POU6F2: variants seen among roughly 807,000 people sequenced by gnomAD.
POU6F2 encodes the protein POU domain, class 6, transcription factor 2.
In POU6F2, 31 loss-of-function variants were observed where a neutral mutation model predicts 71.3. That is an observed-to-expected ratio of 0.43 (90% CI 0.33 to 0.59). The LOEUF is 0.59. Ranked by LOEUF, POU6F2 falls within the 20% of genes least tolerant of loss-of-function variation. The pLI, the probability that POU6F2 is intolerant of heterozygous loss-of-function variation, is 0.04. For synonymous variants in POU6F2, 347 were observed against 355.7 expected (o/e 0.98, Z 0.27); for missense variants, 783 against 856.8 (o/e 0.91, Z 1.07).
intron 4 of POU6F2, among the ~76,000 whole-genome samples, chr7:39,322,932 A>C (rs937375967): frequency 2.0e-5 from 3 of 152,184 alleles, no homozygotes; most frequent in African/African-American, 7.2e-5. Context: ...GAAATTCTCC[A>C]GTGGTATCTC....
intron 5 of POU6F2, among the ~76,000 whole-genome samples, chr7:39,387,304 A>G (rs1786966176): frequency 6.6e-6 from 1 of 152,238 alleles, no homozygotes; most frequent in South Asian, 2.1e-4. Flanking sequence ...ACCAGTACTA[A>G]GAACCATTTC....
At chr7:39,184,999 TTATTTATTTGTA>T (rs1318034031) in intron 2 of POU6F2, among the ~76,000 whole-genome samples, 3 of 152,262 alleles carry the variant, frequency 2.0e-5, no homozygotes, top group Non-Finnish European at 4.4e-5. Flanking sequence ...CAATGAAGTC[TTATTTATTTGTA>T]TACGGAAGAC....
chr7:39,170,336 A>G (rs959830736), intron 2 of POU6F2, among the ~76,000 whole-genome samples: 14 of 152,198 alleles, frequency 9.2e-5, no homozygotes, highest in Non-Finnish European at 1.3e-4. Context: ...GTAAAAAGTT[A>G]GAAAATACCC....
In POU6F2 at chr7:39,460,461, A is replaced by C. The variant is rs1202392007; in HGVS notation, c.1490-86A>C. On this transcript the variant is annotated intron_variant, in intron 8 of 9. Coordinates refer to ENST00000518318, the MANE Select transcript of POU6F2 (RefSeq NM_001370959.1). This position sits in a 1 kb window ranked among gnomAD's most constrained non-coding sequence, Gnocchi z 4.4. ...TCCTCACTGCTCTGCTGTTAAAGAG[A>C]GCCACTTTCTTATAAACCGTAATAA... 1 of 1,477,158 alleles carries C rather than the reference A, an allele frequency of 6.8e-7. No individual in the cohort carries two copies. The highest frequency in any genetic ancestry group is 9.2e-7 in the Non-Finnish European group (1 of 1,081,774). 91.5% of individuals were successfully genotyped at this position (1,477,158 alleles called of 1,614,324 possible).
At chr7:39,171,739 A>G (rs1229393471) in intron 2 of POU6F2, among the ~76,000 whole-genome samples, 1 of 152,234 alleles carries the variant, frequency 6.6e-6, no homozygotes, top group African/African-American at 2.4e-5. Context: ...GGGATGCTAC[A>G]GTGTCCTTTG....
intron 4 of POU6F2, among the ~76,000 whole-genome samples, chr7:39,209,154 G>A (rs775449530): frequency 1.1e-4 from 17 of 152,034 alleles, no homozygotes; most frequent in Non-Finnish European, 2.1e-4. Context: ...TTGGTCCAAC[G>A]TGGACTTCTT....
chr7:39,070,398 C>A (rs1413147688), intron 1 of POU6F2, among the ~76,000 whole-genome samples: 1 of 152,056 alleles, frequency 6.6e-6, no homozygotes, highest in Non-Finnish European at 1.5e-5. Context: ...CTTTTGCCTC[C>A]ACACTTCTGC....
rs376549423 is a variant in POU6F2 at position 39,406,590 on chromosome 7, C to G, written c.973-10C>G. ...GGTGGTTTTCACGGTGATCTTTTCT[C>G]TCTTTGCAGCTGGTTAATAATCCAC... On this transcript the variant is annotated splice_polypyrimidine_tract_variant and intron_variant, in intron 5 of 9. Transcript: ENST00000518318. 1 of 1,612,164 alleles carries G rather than the reference C, an allele frequency of 6.2e-7. No homozygotes were observed. The highest frequency in any genetic ancestry group is 1.7e-5 in the Admixed American group (1 of 59,902).
intron 1 of POU6F2, among the ~76,000 whole-genome samples, chr7:38,994,644 G>A (rs1238491387): frequency 6.6e-6 from 1 of 152,096 alleles, no homozygotes; most frequent in African/African-American, 2.4e-5. Flanking sequence ...AAGAAGAGTT[G>A]TGTGGTCAGA....
intron 4 of POU6F2, among the ~76,000 whole-genome samples, chr7:39,208,450 G>A (rs188479209): frequency 2.6e-5 from 4 of 152,192 alleles, no homozygotes; most frequent in African/African-American, 7.2e-5. Context: ...TAAAATTTTT[G>A]CAGAATGAGG....
chr7:39,401,458 A>G (rs1158359920), intron 5 of POU6F2, among the ~76,000 whole-genome samples: 1 of 152,222 alleles, frequency 6.6e-6, no homozygotes, highest in Non-Finnish European at 1.5e-5. Context: ...TAAAACACAC[A>G]TCAACCACGT....
chr7:39,328,530 C>G (rs564103252), intron 4 of POU6F2, among the ~76,000 whole-genome samples: 1 of 152,146 alleles, frequency 6.6e-6, no homozygotes, highest in African/African-American at 2.4e-5. Context: ...TGGCAAGAAA[C>G]TCAATTTAAT....
intron 5 of POU6F2, among the ~76,000 whole-genome samples, chr7:39,369,259 C>A (rs991600819): frequency 2.0e-5 from 3 of 152,202 alleles, no homozygotes; most frequent in Non-Finnish European, 4.4e-5. Context: ...CCAGCAACCA[C>A]CACCTCTGTC....
In POU6F2 at chr7:39,299,523, C is replaced by G. The variant is rs561724053; in HGVS notation, c.599-40119C>G. 2.6e-5 allele frequency among the ~76,000 whole-genome samples: 4 copies of G among 152,224 alleles called. No homozygotes were observed. In the East Asian group the frequency reaches 7.7e-4, roughly 29 times the overall value. ...AGAAGTGTGTCAATTTCACAGCAGG[C>G]CATGAAAAAATCCTCCCTGCCCAGC... On this transcript the variant is annotated intron_variant, in intron 4 of 9. Transcript: ENST00000518318.
chr7:39,294,639 T>C (rs905961741), intron 4 of POU6F2, among the ~76,000 whole-genome samples: 3 of 152,048 alleles, frequency 2.0e-5, no homozygotes, highest in African/African-American at 7.2e-5. Context: ...CTAGTTGCTG[T>C]ACCATTGAAG....
At chr7:39,010,655 G>A (rs1224552734) in intron 1 of POU6F2, among the ~76,000 whole-genome samples, 7 of 135,870 alleles carry the variant, frequency 5.2e-5, no homozygotes, top group African/African-American at 8.3e-5. Context: ...TCTCTTGTGG[G>A]CATTTAGTGC....
intron 1 of POU6F2, among the ~76,000 whole-genome samples, chr7:38,999,273 G>A (rs1411996608): frequency 1.3e-5 from 2 of 152,076 alleles, no homozygotes; most frequent in Non-Finnish European, 2.9e-5. Context: ...AGCTACTGGA[G>A]GCAGGGGCCA....
chr7:39,395,389 G>A (rs565618093), intron 5 of POU6F2, among the ~76,000 whole-genome samples: 1 of 152,184 alleles, frequency 6.6e-6, no homozygotes, highest in East Asian at 1.9e-4. Flanking sequence ...CCTTCTCACT[G>A]CCCTCACAAT....
At chr7:39,296,356 A>G (rs1038018427) in intron 4 of POU6F2, among the ~76,000 whole-genome samples, 4 of 152,230 alleles carry the variant, frequency 2.6e-5, no homozygotes, top group Admixed American at 6.5e-5. Flanking sequence ...AGAACAAGAT[A>G]CAATATCTTA....
Sources: allele counts gnomAD v4.1 joint callset (sites outside exome capture counted in the v4.1 genomes callset), GRCh38; gene constraint gnomAD v4.1.1; non-coding constraint Gnocchi (gnomAD v3.1); transcripts MANE v1.5; gene names NCBI Gene and HGNC (gene_info 2026-07-23, HGNC 2026-07-21).